Variants in ZC3H18 observed in about 807,000 individuals in gnomAD.
ZC3H18 encodes the protein zinc finger CCCH domain-containing protein 18.
In ZC3H18, 8 loss-of-function variants were observed where a neutral mutation model predicts 106.1. The ratio of observed to expected loss-of-function variants is 0.08; its 90% CI spans 0.04 to 0.14. The LOEUF (loss-of-function observed/expected upper bound fraction) is 0.14, where lower values mean the gene tolerates loss of function less well. ZC3H18 is among the 10% of genes least tolerant of loss of function. The pLI is 1.00. For synonymous variants in ZC3H18, 635 were observed against 522.1 expected (o/e 1.22, Z -2.95); for missense variants, 1,318 against 1,278.4 (o/e 1.03, Z -0.47).
chr16:88,576,151 C>T (rs550079089), intron 1 of ZC3H18, among the ~76,000 whole-genome samples: 6 of 151,978 alleles, frequency 3.9e-5, no homozygotes, highest in African/African-American at 4.8e-5. Context: ...CCACCTGCCT[C>T]GGGCCTCCCA....
intron 8 of ZC3H18, among the ~76,000 whole-genome samples, chr16:88,612,351 A>C (rs571959281): frequency 4.1e-4 from 62 of 152,148 alleles, no homozygotes; most frequent in African/African-American, 1.4e-3. Context: ...CCATCATCGC[A>C]ATCAACATGA....
intron 8 of ZC3H18, among the ~76,000 whole-genome samples, chr16:88,621,992 T>C (rs996701146): frequency 1.3e-5 from 2 of 152,174 alleles, no homozygotes; most frequent in African/African-American, 4.8e-5. Flanking sequence ...TAACAGACAC[T>C]GAGCCAAGGG....
At chr16:88,624,273 C>T (rs1906153919) in intron 11 of ZC3H18, 1 of 716,750 alleles carries the variant, frequency 1.4e-6, no homozygotes, top group Non-Finnish European at 2.3e-6. Flanking sequence ...CCCTCGGGAA[C>T]CCTGGGGACA....
intron 6 of ZC3H18, 39 bp downstream of exon 6, chr16:88,599,987 G>A: frequency 6.2e-7 from 1 of 1,608,254 alleles, no homozygotes; most frequent in East Asian, 2.2e-5. Flanking sequence ...TTTCCTTCCT[G>A]CATGCGGCCA....
Position 88,611,387 on chromosome 16 carries a change from C to T in ZC3H18, c.1326C>T (p.Arg442=), listed in dbSNP as rs1381481134. 2.1e-5 allele frequency: 25 copies of T among 1,166,584 alleles called. No homozygotes were observed. The highest frequency in any genetic ancestry group is 2.0e-4 in the Admixed American group (10 of 50,444). The allele number at this position is 1,166,584 out of a possible 1,614,324, so 72.3% of individuals were successfully genotyped here. The change falls in exon 8 of 18, where the codon CGC becomes CGT. Residue 442 remains arginine (R), a synonymous_variant. Transcript: ENST00000301011. ...RERERERERE[R]DKERQRRKEE... Reference sequence around the variant, plus strand: ...GCGAGCGAGAGCGGGAGCGCGAGCGCGACAAGGAGCGGCAGCGGAGGAAGG... The same window carrying T: ...GCGAGCGAGAGCGGGAGCGCGAGCGTGACAAGGAGCGGCAGCGGAGGAAGG...
chr16:88,616,527 C>G (rs1020061796), intron 8 of ZC3H18, among the ~76,000 whole-genome samples: 7 of 152,190 alleles, frequency 4.6e-5, no homozygotes, highest in African/African-American at 1.4e-4. Context: ...CTGCCAGGCC[C>G]GCTACCTGCC....
At chr16:88,624,798 T>C in intron 12 of ZC3H18, 53 bp downstream of exon 12, 1 of 1,547,776 alleles carries the variant, frequency 6.5e-7, no homozygotes, top group Middle Eastern at 2.4e-4. Context: ...TTGGTGCCAC[T>C]GTGATGCTGG....
chr16:88,630,634 C>T (rs1170150348), intron 17 of ZC3H18, 53 bp downstream of exon 17: 12 of 1,504,752 alleles, frequency 8.0e-6, no homozygotes, highest in African/African-American at 2.7e-5. Context: ...CAGCCCCAGT[C>T]GCTTCCCCAG....
At chr16:88,571,069 G>A (rs550371049) in intron 1 of ZC3H18, among the ~76,000 whole-genome samples, 71 of 152,344 alleles carry the variant, frequency 4.7e-4, no homozygotes, top group African/African-American at 1.7e-3. Flanking sequence ...CAAGACGCGC[G>A]CCGGTCTCTT....
At chr16:88,624,348 C>T (rs1304080856) in intron 11 of ZC3H18, 6 of 663,246 alleles carry the variant, frequency 9.0e-6, no homozygotes, top group Non-Finnish European at 1.5e-5. Context: ...TTAGCCTGCT[C>T]TCCCCACTGC....
intron 1 of ZC3H18, among the ~76,000 whole-genome samples, chr16:88,574,324 C>G (rs1914600944): frequency 1.3e-5 from 2 of 152,034 alleles, no homozygotes; most frequent in Non-Finnish European, 2.9e-5. Context: ...ATTCTCTCGT[C>G]TCAGCCTCCC....
chr16:88,622,978 C>T (rs2142808338), intron 9 of ZC3H18: 4 of 568,924 alleles, frequency 7.0e-6, no homozygotes, highest in Non-Finnish European at 1.2e-5. Flanking sequence ...GCAGGCACAC[C>T]CCACGCCCAG....
At chr16:88,598,451 G>A (rs1022636691) in intron 4 of ZC3H18, 125 bp downstream of exon 4, 42 of 1,485,836 alleles carry the variant, frequency 2.8e-5, no homozygotes, top group South Asian at 5.2e-5. Flanking sequence ...TGCTTCTGTC[G>A]TCCCGAGTGG....
chr16:88,630,144 G>A (rs1906571560), intron 16 of ZC3H18: 1 of 257,700 alleles, frequency 3.9e-6, no homozygotes, highest in Non-Finnish European at 7.5e-6. Flanking sequence ...GGCTTTGCTT[G>A]TATTTCTTTA....
intron 3 of ZC3H18, 123 bp downstream of exon 3, chr16:88,586,807 A>AGGTGGTGGT (rs113134808): frequency 7.7e-5 from 38 of 493,928 alleles, no homozygotes; most frequent in African/African-American, 1.6e-4. Flanking sequence ...ATTACTGGCT[A>AGGTGGTGGT]GGTGGTGGTG....
chr16:88,628,809 CAGAG>C lies in ZC3H18; in HGVS notation c.2522_2525del (p.Gln841ProfsTer91). On this transcript the variant is annotated frameshift_variant, in exon 16 of 18. Transcript: ENST00000301011. LOFTEE classifies it high-confidence loss of function. ...CTATGAACCATCAGACAAGGACAGG[CAGAG>C]CCCTCCTCCAGCCAAGCGGCCCAAC... The C allele has an allele frequency of 6.2e-7, 1 of 1,614,132 alleles. No individual in the cohort carries two copies. Among genetic ancestry groups the C allele is most frequent in the Non-Finnish European group, 8.5e-7 (1 of 1,179,998 alleles).
At chr16:88,594,049 T>C (rs1352800664) in intron 3 of ZC3H18, among the ~76,000 whole-genome samples, 2 of 152,208 alleles carry the variant, frequency 1.3e-5, no homozygotes, top group Non-Finnish European at 2.9e-5. Context: ...CTGAGCACAC[T>C]GAAAAGGCTT....
chr16:88,629,225 A>G (rs1357327522), intron 16 of ZC3H18, among the ~76,000 whole-genome samples: 3 of 152,200 alleles, frequency 2.0e-5, no homozygotes, highest in African/African-American at 4.8e-5. Flanking sequence ...CTGTAATCCC[A>G]GCACTTTGGG....
intron 6 of ZC3H18, among the ~76,000 whole-genome samples, chr16:88,602,563 C>T (rs1434599192): frequency 6.6e-6 from 1 of 152,246 alleles, no homozygotes; most frequent in African/African-American, 2.4e-5. Context: ...TTGTTTTTAA[C>T]AAGCCCTCCA....
Sources: allele counts gnomAD v4.1 joint callset (sites outside exome capture counted in the v4.1 genomes callset), GRCh38; gene constraint gnomAD v4.1.1; transcripts MANE v1.5; gene names NCBI Gene and HGNC (gene_info 2026-07-23, HGNC 2026-07-21).